Variants in RALYL observed in about 807,000 individuals in gnomAD.
The protein encoded by RALYL is RALY RNA binding protein like.
RALYL carries 29 observed loss-of-function variants against 35.1 expected under a neutral mutation model. That is an observed-to-expected ratio of 0.83 (90% confidence interval 0.61 to 1.13). The LOEUF (loss-of-function observed/expected upper bound fraction) is 1.13. RALYL is among the 50% of genes most tolerant of loss of function. The pLI, the probability that RALYL is intolerant of heterozygous loss-of-function variation, is 0.00. For synonymous variants in RALYL, 120 were observed against 127.6 expected (o/e 0.94, Z 0.40); for missense variants, 359 against 360.4 (o/e 1.00, Z 0.03).
chr8:84,631,392 G>T (rs888676851), intron 2 of RALYL, among the ~76,000 whole-genome samples: 1 of 151,866 alleles, frequency 6.6e-6, no homozygotes, highest in East Asian at 1.9e-4. Flanking sequence ...AATTGAAGAA[G>T]TATTAATCTC....
At chr8:84,670,469 T>C (rs1832991039) in intron 2 of RALYL, among the ~76,000 whole-genome samples, 1 of 152,184 alleles carries the variant, frequency 6.6e-6, no homozygotes, top group Non-Finnish European at 1.5e-5. Context: ...CTTACACCAA[T>C]GTATTATGTA....
intron 1 of RALYL, among the ~76,000 whole-genome samples, chr8:84,239,848 C>T (rs191484719): frequency 4.6e-5 from 7 of 152,076 alleles, no homozygotes; most frequent in Admixed American, 2.6e-4. Flanking sequence ...GCCGAGATCG[C>T]GCCACTGCAC....
At chr8:84,618,535 A>G (rs1348575335) in intron 2 of RALYL, among the ~76,000 whole-genome samples, 6 of 134,806 alleles carry the variant, frequency 4.5e-5, no homozygotes, top group Non-Finnish European at 7.8e-5. Flanking sequence ...TGATCCTTTC[A>G]AAAAACCAGC....
chr8:84,653,127 T>G (rs1372466748), intron 2 of RALYL, among the ~76,000 whole-genome samples: 1 of 152,040 alleles, frequency 6.6e-6, no homozygotes, highest in Non-Finnish European at 1.5e-5. Context: ...TATTAGAAAT[T>G]TATGCATGCT....
chr8:84,482,837 CT>C (rs570978657), intron 1 of RALYL, among the ~76,000 whole-genome samples: 63 of 152,122 alleles, frequency 4.1e-4, no homozygotes, highest in Middle Eastern at 3.4e-3. Context: ...AGCTTGTGCA[CT>C]ATTATCAAAA....
intron 1 of RALYL, among the ~76,000 whole-genome samples, chr8:84,403,725 T>C (rs1033265602): frequency 1.3e-5 from 2 of 151,892 alleles, no homozygotes; most frequent in Non-Finnish European, 2.9e-5. Context: ...GTGAAGAAAG[T>C]CAGTGATAGC....
chr8:84,448,719 A>G (rs2049113667), intron 1 of RALYL, among the ~76,000 whole-genome samples: 1 of 152,030 alleles, frequency 6.6e-6, no homozygotes, highest in African/African-American at 2.4e-5. Context: ...TTTGACTCAT[A>G]GAGATTCATA....
rs151111294 is a variant in RALYL at position 84,368,989 on chromosome 8, A to G, written c.-23-160310A>G. On this transcript the variant is annotated intron_variant, in intron 1 of 8. Coordinates refer to ENST00000521268, the MANE Select transcript of RALYL (RefSeq NM_173848.7). ...GTCAAGTTTTTCCATCGCATGAATT[A>G]GGAAACAAAGCTTTTAACTTTAAAA... 1.0e-3 allele frequency among the ~76,000 whole-genome samples: 154 copies of G among 152,338 alleles called. 1 individual carries two copies. The highest frequency in any genetic ancestry group is 3.5e-3 in the African/African-American group (147 of 41,596).
intron 4 of RALYL, among the ~76,000 whole-genome samples, chr8:84,819,690 G>A (rs977516545): frequency 6.6e-6 from 1 of 152,160 alleles, no homozygotes; most frequent in Admixed American, 6.5e-5. Context: ...TCAGCAAAAT[G>A]TTCTCCTTGG....
chr8:84,609,008 G>C (rs1352721192), intron 2 of RALYL, among the ~76,000 whole-genome samples: 1 of 152,078 alleles, frequency 6.6e-6, no homozygotes, highest in Non-Finnish European at 1.5e-5. Context: ...CCCACAGCTA[G>C]TGCAAAGAAG....
At chr8:84,696,328 C>T (rs1000087165) in intron 2 of RALYL, among the ~76,000 whole-genome samples, 1 of 151,522 alleles carries the variant, frequency 6.6e-6, no homozygotes, top group Non-Finnish European at 1.5e-5. Context: ...ATCATCAACC[C>T]AAGAAAAAGG....
intron 4 of RALYL, among the ~76,000 whole-genome samples, chr8:84,811,392 C>CTGAT (rs1012274530): frequency 6.6e-6 from 1 of 152,176 alleles, no homozygotes; most frequent in African/African-American, 2.4e-5. Flanking sequence ...TGCTGTTAAT[C>CTGAT]TGATAGGTTT....
intron 4 of RALYL, among the ~76,000 whole-genome samples, chr8:84,840,914 T>A (rs1833136090): frequency 6.6e-6 from 1 of 152,090 alleles, no homozygotes; most frequent in Admixed American, 6.5e-5. Flanking sequence ...GACAAGCAAA[T>A]GCTGAGAGAT....
At chr8:84,635,787 A>G (rs1483459954) in intron 2 of RALYL, among the ~76,000 whole-genome samples, 1 of 151,798 alleles carries the variant, frequency 6.6e-6, no homozygotes, top group East Asian at 1.9e-4. Context: ...GAAATATTCA[A>G]TCAATGTCAG....
At chr8:84,768,017 T>A (rs1363297125) in intron 2 of RALYL, among the ~76,000 whole-genome samples, 1 of 152,188 alleles carries the variant, frequency 6.6e-6, no homozygotes, top group African/African-American at 2.4e-5. Context: ...TCTTTGTAAA[T>A]CCAGAAAACA....
chr8:84,539,854 GTATATATATATATATATATATA>G lies in RALYL; in HGVS notation c.256+10279_256+10300del, dbSNP rs1294869865. 7.4e-4 allele frequency among the ~76,000 whole-genome samples: 18 copies of G among 24,202 alleles called. 1 individual carries two copies. In the East Asian group the frequency reaches 0.022, roughly 30 times the overall value. 15.9% of individuals were successfully genotyped at this position (24,202 alleles called of 152,430 possible). On this transcript the variant is annotated intron_variant, in intron 2 of 8. Transcript: ENST00000521268. ...TATACATATATATATATATATATAT[GTATATATATATATATATATATA>G]TGTATATATATGTGTGTGTGTGTGT...
intron 2 of RALYL, among the ~76,000 whole-genome samples, chr8:84,623,057 T>G (rs533771119): frequency 6.6e-6 from 1 of 152,196 alleles, no homozygotes; most frequent in East Asian, 1.9e-4. Context: ...CTGATTATAA[T>G]AGACACAATT....
intron 7 of RALYL, among the ~76,000 whole-genome samples, chr8:84,886,372 A>G (rs1306470534): frequency 2.0e-5 from 3 of 152,076 alleles, no homozygotes; most frequent in Non-Finnish European, 4.4e-5. Context: ...ATCAATGCTC[A>G]TTTTCCTTTT....
intron 2 of RALYL, among the ~76,000 whole-genome samples, chr8:84,553,466 C>G (rs1266427457): frequency 1.3e-5 from 2 of 152,182 alleles, no homozygotes; most frequent in African/African-American, 4.8e-5. Flanking sequence ...CAAGACTCCT[C>G]TTCTTATTGA....
Sources: gnomAD v4.1 joint callset for allele counts (sites outside exome capture counted in the v4.1 genomes callset) on GRCh38, gnomAD v4.1.1 for gene constraint, MANE v1.5 for transcripts, NCBI Gene and HGNC (gene_info 2026-07-23, HGNC 2026-07-21) for gene names.